The following FRYL variants were observed in gnomAD, a reference collection of about 807,000 sequenced individuals.
FRYL encodes protein furry homolog-like.
A neutral mutation model predicts 351.2 loss-of-function variants in FRYL; 150 were observed. The ratio of observed to expected loss-of-function variants is 0.43; its 90% confidence interval spans 0.37 to 0.49. FRYL has a LOEUF of 0.49. FRYL is among the 20% of genes least tolerant of loss of function. The pLI, the probability that FRYL is intolerant of heterozygous loss-of-function variation, is 0.00. For missense variants in FRYL, 3,036 were observed against 3,619.3 expected (o/e 0.84, Z 4.13); for synonymous variants, 1,153 against 1,257.1 (o/e 0.92, Z 1.75).
chr4:48,690,073 T>A (rs1237107778), intron 2 of FRYL, among the ~76,000 whole-genome samples: 1 of 151,014 alleles, frequency 6.6e-6, no homozygotes, highest in Non-Finnish European at 1.5e-5. Context: ...ATTTTTTTTT[T>A]TTTTTGTATT....
At chr4:48,596,255 A>G (rs751861799) in intron 13 of FRYL, among the ~76,000 whole-genome samples, 4 of 152,140 alleles carry the variant, frequency 2.6e-5, no homozygotes, top group Non-Finnish European at 4.4e-5. Flanking sequence ...ATAAAATTAT[A>G]CTAGTATTTC....
intron 26 of FRYL, chr4:48,571,573 T>C: frequency 1.2e-6 from 1 of 803,060 alleles, no homozygotes. Flanking sequence ...ATTTTCATAT[T>C]ACAGAGCAAA....
At chr4:48,571,585 T>C in intron 26 of FRYL, 1 of 900,212 alleles carries the variant, frequency 1.1e-6, no homozygotes, top group Non-Finnish European at 1.3e-6. Context: ...CAGAGCAAAT[T>C]AAAACCATAT....
chr4:48,591,073 C>CAA (rs1743141499), intron 16 of FRYL, among the ~76,000 whole-genome samples: 15 of 152,282 alleles, frequency 9.9e-5, no homozygotes, highest in African/African-American at 3.4e-4. Flanking sequence ...GTCTCTAAGG[C>CAA]TTATAGCAAT....
intron 3 of FRYL, among the ~76,000 whole-genome samples, chr4:48,636,265 T>G (rs112610103): frequency 1.3e-5 from 2 of 152,090 alleles, no homozygotes; most frequent in Non-Finnish European, 2.9e-5. Context: ...AAAGAAGAGC[T>G]CTCTAATTTT....
intron 4 of FRYL, among the ~76,000 whole-genome samples, chr4:48,625,265 A>C (rs774109131): frequency 7.9e-5 from 12 of 152,208 alleles, no homozygotes; most frequent in Non-Finnish European, 1.5e-4. Flanking sequence ...GACCCAAGAA[A>C]ATAATATGTC....
At position 48,585,272 on chromosome 4, in the gene FRYL, C is replaced by A. The variant is rs191894107; in HGVS notation, c.1748+1349G>T. On this transcript the variant is annotated intron_variant, in intron 19 of 63. Transcript: ENST00000358350. ...TTCACAAAAAAATTAGGAGACTGTG[C>A]GAAGGGAACAAATTTATATAATGCA... Among the ~76,000 whole-genome samples the A allele has an allele frequency of 1.2e-4, 18 of 152,170 alleles. No homozygotes were observed. The East Asian group carries it at 3.1e-3, about 26-fold the overall frequency.
intron 60 of FRYL, among the ~76,000 whole-genome samples, chr4:48,503,494 A>G (rs1720189316): frequency 6.6e-6 from 1 of 152,214 alleles, no homozygotes; most frequent in South Asian, 2.1e-4. Flanking sequence ...CTAGGTTTGA[A>G]TCAACATAAT....
At position 48,565,015 on chromosome 4, in the gene FRYL, G is replaced by C. The variant is rs1364581507; in HGVS notation, c.3359C>G (p.Pro1120Arg). Residue 1120 changes from proline (P) to arginine (R), a missense_variant, in exon 30 of 64, where the codon CCT becomes CGT. By Grantham distance (103) the Pro-to-Arg change is moderately radical. Coordinates refer to ENST00000358350, the MANE Select transcript of FRYL (RefSeq NM_015030.2). ...TGAAAGTCCTACATTATCTGCAACA[G>C]GGCCACAACACAGTACAGCAGACAT... is the stretch of plus-strand genomic sequence containing the variant. Reference protein sequence around the residue: ...KAMSAVLCCGPVADNVGLSSD... With the variant: ...KAMSAVLCCGRVADNVGLSSD... 1 of 1,605,006 alleles carries C rather than the reference G, an allele frequency of 6.2e-7. No individual in the cohort carries two copies. The highest frequency in any genetic ancestry group is 1.3e-5 in the African/African-American group (1 of 74,610).
At chr4:48,723,637 A>T (rs528788980) in intron 1 of FRYL, among the ~76,000 whole-genome samples, 37 of 152,272 alleles carry the variant, frequency 2.4e-4, no homozygotes, top group African/African-American at 8.4e-4. Flanking sequence ...AAAATACTGT[A>T]TATCCTAACT....
At chr4:48,761,043 G>GTGTA (rs1284237962) in intron 1 of FRYL, among the ~76,000 whole-genome samples, 2 of 151,468 alleles carry the variant, frequency 1.3e-5, no homozygotes, top group Non-Finnish European at 2.9e-5. Context: ...GTGTGTGTGT[G>GTGTA]TGTGTGTTGA....
intron 19 of FRYL, among the ~76,000 whole-genome samples, chr4:48,585,300 G>C (rs1741872536): frequency 6.6e-6 from 1 of 152,182 alleles, no homozygotes; most frequent in South Asian, 2.1e-4. Context: ...ATAATGCAAA[G>C]TAACCCCTTT....
intron 16 of FRYL, among the ~76,000 whole-genome samples, chr4:48,591,602 G>A (rs993712134): frequency 6.6e-6 from 1 of 152,020 alleles, no homozygotes; most frequent in Non-Finnish European, 1.5e-5. Context: ...TTCCACTTCT[G>A]GCTGTGTCAT....
At chr4:48,522,758 C>G (rs1725182434) in intron 54 of FRYL, 143 bp downstream of exon 54, 1 of 721,582 alleles carries the variant, frequency 1.4e-6, no homozygotes, top group Admixed American at 1.9e-5. Flanking sequence ...TGAATAACAA[C>G]ACGGTACTCC....
intron 19 of FRYL, among the ~76,000 whole-genome samples, chr4:48,586,384 T>C (rs552860054): frequency 6.7e-6 from 1 of 149,608 alleles, no homozygotes; most frequent in Non-Finnish European, 1.5e-5. Flanking sequence ...AATAGGGAAC[T>C]GAAAGATAGG....
intron 4 of FRYL, among the ~76,000 whole-genome samples, chr4:48,626,745 A>T (rs1751908641): frequency 6.6e-6 from 1 of 152,150 alleles, no homozygotes; most frequent in East Asian, 1.9e-4. Context: ...AATAAACAAG[A>T]AATATATAGA....
At chr4:48,779,316 G>A (rs909858190) in intron 1 of FRYL, among the ~76,000 whole-genome samples, 1 of 152,182 alleles carries the variant, frequency 6.6e-6, no homozygotes, top group Admixed American at 6.5e-5. Context: ...TCTACAGGCC[G>A]AGTCAGCTCG....
intron 3 of FRYL, chr4:48,637,202 G>A (rs772093788): frequency 1.3e-5 from 2 of 151,952 alleles, no homozygotes; most frequent in Non-Finnish European, 2.9e-5. Context: ...AAATGGAGGA[G>A]GCCAATAATA....
rs1231238644 is a variant in FRYL, at chr4:48,714,890, C to T, written c.-383-4192G>A. Among the ~76,000 whole-genome samples the T allele has an allele frequency of 2.3e-3, 343 of 146,192 alleles. 3 individuals are homozygous for T. The highest frequency in any genetic ancestry group is 9.0e-3 in the Admixed American group (132 of 14,714). On this transcript the variant is annotated intron_variant, in intron 1 of 63. Transcript: ENST00000358350. ...AATCCTCAATAAAATACTGGCAAAC[C>T]GAATCCAGCAGCACATCAAAAAGCT...
Sources: gnomAD v4.1 joint callset for allele counts (sites outside exome capture counted in the v4.1 genomes callset) on GRCh38, gnomAD v4.1.1 for gene constraint, MANE v1.5 for transcripts, NCBI Gene and HGNC (gene_info 2026-07-23, HGNC 2026-07-21) for gene names.